Variants in AGMO observed in about 807,000 individuals in gnomAD.
AGMO encodes glyceryl-ether monooxygenase.
AGMO carries 75 observed loss-of-function variants against 60.2 expected under a neutral mutation model. That is an observed-to-expected ratio of 1.25 (90% CI 1.03 to 1.51). AGMO has a LOEUF of 1.51. AGMO is among the 40% of genes most tolerant of loss of function. The pLI is 0.00. For missense variants in AGMO, 763 were observed against 525.5 expected (o/e 1.45, Z -4.42); for synonymous variants, 261 against 177.1 (o/e 1.47, Z -3.76).
intron 4 of AGMO, among the ~76,000 whole-genome samples, chr7:15,423,712 G>C (rs1441854265): frequency 1.1e-5 from 1 of 91,606 alleles, no homozygotes; most frequent in Admixed American, 9.9e-5. Context: ...TGCACACAGC[G>C]AGAATGGCAC....
chr7:15,124,867 A>T, the AGMO span, among the ~76,000 whole-genome samples: 2 of 152,104 alleles, frequency 1.3e-5, no homozygotes, highest in African/African-American at 4.8e-5. Context: ...GAAGCACTTA[A>T]GTTATAAAAC....
At chr7:15,230,338 G>C (rs999348574) in intron 12 of AGMO, among the ~76,000 whole-genome samples, 2 of 151,724 alleles carry the variant, frequency 1.3e-5, no homozygotes, top group Non-Finnish European at 2.9e-5. Flanking sequence ...CAAAATTTAA[G>C]GTAAAAAAAA....
chr7:15,275,397 A>G (rs188264089), intron 12 of AGMO, among the ~76,000 whole-genome samples: 268 of 152,250 alleles, frequency 1.8e-3, no homozygotes, highest in Middle Eastern at 0.01. Flanking sequence ...CTGTGGTATA[A>G]AAAGACATTT....
chr7:15,247,769 T>G (rs1487956956), intron 12 of AGMO, among the ~76,000 whole-genome samples: 1 of 152,108 alleles, frequency 6.6e-6, no homozygotes, highest in Admixed American at 6.5e-5. Flanking sequence ...ATTCATTTTT[T>G]CATTGAATAA....
intron 10 of AGMO, among the ~76,000 whole-genome samples, chr7:15,371,301 A>T (rs1306369202): frequency 6.6e-6 from 1 of 150,874 alleles, no homozygotes; most frequent in Non-Finnish European, 1.5e-5. Flanking sequence ...GCTCACGACA[A>T]CCTCCCTTTC....
the AGMO span, among the ~76,000 whole-genome samples, chr7:15,188,318 A>G: frequency 6.6e-6 from 1 of 152,208 alleles, no homozygotes; most frequent in African/African-American, 2.4e-5. Flanking sequence ...ATTACTATTT[A>G]CCTCATAAGG....
chr7:15,402,824 G>T (rs185805815), intron 5 of AGMO, among the ~76,000 whole-genome samples: 1 of 151,562 alleles, frequency 6.6e-6, no homozygotes, highest in Admixed American at 6.6e-5. Context: ...CTTACTCAAA[G>T]CTATTTGCAT....
chr7:15,505,517 A>G (rs1041587175), intron 3 of AGMO, among the ~76,000 whole-genome samples: 3 of 152,060 alleles, frequency 2.0e-5, no homozygotes, highest in Admixed American at 6.6e-5. Context: ...TAATGAACAC[A>G]AAGTCTGTGT....
intron 3 of AGMO, among the ~76,000 whole-genome samples, chr7:15,446,676 A>C (rs1183031256): frequency 6.6e-6 from 1 of 152,266 alleles, no homozygotes. Context: ...CTAAACAACC[A>C]ACATGGCAAT....
intron 5 of AGMO, among the ~76,000 whole-genome samples, chr7:15,394,987 G>T (rs1361956122): frequency 6.6e-6 from 1 of 152,110 alleles, no homozygotes; most frequent in Non-Finnish European, 1.5e-5. Context: ...TAGAAACCAG[G>T]TAGGTGTCAT....
At chr7:15,454,848 A>T (rs1781956945) in intron 3 of AGMO, among the ~76,000 whole-genome samples, 1 of 152,234 alleles carries the variant, frequency 6.6e-6, no homozygotes, top group East Asian at 1.9e-4. Context: ...AAGGCATATA[A>T]ACAAAAACAG....
intron 10 of AGMO, among the ~76,000 whole-genome samples, chr7:15,383,598 A>G (rs979554893): frequency 6.6e-6 from 1 of 152,138 alleles, no homozygotes; most frequent in Non-Finnish European, 1.5e-5. Flanking sequence ...AAATAATTCC[A>G]TAGGTCTTAT....
intron 12 of AGMO, among the ~76,000 whole-genome samples, chr7:15,202,577 T>G (rs62448921): frequency 0.091 from 13,742 of 150,944 alleles, 807 homozygotes; most frequent in East Asian, 0.16. Flanking sequence ...CCATCATCCT[T>G]CACATTAGTC....
the AGMO span, among the ~76,000 whole-genome samples, chr7:15,186,583 T>C: frequency 1.3e-5 from 2 of 152,196 alleles, no homozygotes; most frequent in African/African-American, 4.8e-5. Context: ...CAAAGTAGAA[T>C]GTTTCTTATA....
chr7:15,555,360 G>T (rs539949927), intron 2 of AGMO, among the ~76,000 whole-genome samples: 1 of 147,934 alleles, frequency 6.8e-6, no homozygotes, highest in Non-Finnish European at 1.5e-5. Flanking sequence ...GTGAGAGAGA[G>T]AAATTTTTCT....
chr7:15,548,724 CA>C (rs1784862232), intron 2 of AGMO, among the ~76,000 whole-genome samples: 1 of 152,098 alleles, frequency 6.6e-6, no homozygotes, highest in African/African-American at 2.4e-5. Context: ...AGAATGGAAC[CA>C]AGTTGGAAAA....
At chr7:15,339,677 C>T (rs185517806) in intron 12 of AGMO, among the ~76,000 whole-genome samples, 136 of 152,176 alleles carry the variant, frequency 8.9e-4, no homozygotes, top group African/African-American at 3.2e-3. Flanking sequence ...CTTTCCCATC[C>T]CTGTATGAAA....
At chr7:15,357,228 T>TGTGTGTGTGTGTGTG (rs1782573059) in intron 12 of AGMO, among the ~76,000 whole-genome samples, 1 of 149,604 alleles carries the variant, frequency 6.7e-6, no homozygotes, top group African/African-American at 2.5e-5. Context: ...TGTGTGTGTG[T>TGTGTGTGTGTGTGTG]TTCACCTTGA....
At chr7:15,150,240 C>A in the AGMO span, among the ~76,000 whole-genome samples, 3 of 152,046 alleles carry the variant, frequency 2.0e-5, no homozygotes, top group Non-Finnish European at 2.9e-5. Context: ...AGAGTCATAT[C>A]ATCTGTGAAG....
Sources: allele counts gnomAD v4.1 joint callset (sites outside exome capture counted in the v4.1 genomes callset), GRCh38; gene constraint gnomAD v4.1.1; transcripts MANE v1.5; gene names NCBI Gene and HGNC (gene_info 2026-07-23, HGNC 2026-07-21).